Variants in HSF2BP observed in about 807,000 individuals in gnomAD.
HSF2BP encodes the protein heat shock transcription factor 2 binding protein.
Under a neutral mutation model 35.0 loss-of-function variants are expected in HSF2BP, and 35 were observed. That is an observed-to-expected ratio of 1.00 (90% CI 0.76 to 1.32). The LOEUF (loss-of-function observed/expected upper bound fraction) is 1.32, where lower values mean the gene tolerates loss of function less well. HSF2BP is among the 40% of genes most tolerant of loss of function. The probability of loss-of-function intolerance (pLI) is 0.00; values close to 1 mark genes in which losing one functional copy is unlikely to be tolerated. For synonymous variants in HSF2BP, 114 were observed against 117.4 expected, an observed-to-expected ratio of 0.97 and a Z score of 0.18; for missense variants, 326 against 321.7, an observed-to-expected ratio of 1.01 and a Z score of -0.10.
intron 3 of HSF2BP, among the ~76,000 whole-genome samples, chr21:43,654,007 A>G (rs1241834317): frequency 6.6e-6 from 1 of 152,162 alleles, no homozygotes; most frequent in Non-Finnish European, 1.5e-5. Context: ...TGAGGCAGAT[A>G]TGACAACAGG....
intron 5 of HSF2BP, among the ~76,000 whole-genome samples, chr21:43,632,068 C>CCA (rs1324841378): frequency 1.1e-4 from 2 of 17,656 alleles, no homozygotes; most frequent in African/African-American, 1.3e-3. Context: ...ACACACGCTC[C>CCA]CACATACACA....
chr21:43,585,213 G>A (rs2081833226), intron 8 of HSF2BP, among the ~76,000 whole-genome samples: 1 of 152,058 alleles, frequency 6.6e-6, no homozygotes, highest in Non-Finnish European at 1.5e-5. Context: ...CAGGAGGCTG[G>A]AGCAGGAGGA....
chr21:43,651,483 A>T (rs1450969024), intron 3 of HSF2BP, among the ~76,000 whole-genome samples: 1 of 152,060 alleles, frequency 6.6e-6, no homozygotes, highest in Non-Finnish European at 1.5e-5. Context: ...GCTCTAATTC[A>T]TCTTCCACCC....
At chr21:43,580,827 T>C (rs1007657866) in intron 8 of HSF2BP, among the ~76,000 whole-genome samples, 1 of 152,260 alleles carries the variant, frequency 6.6e-6, no homozygotes, top group African/African-American at 2.4e-5. Flanking sequence ...AGTTGCTTAC[T>C]AGAATCATAA....
At chr21:43,652,614 G>A (rs890678437) in intron 3 of HSF2BP, among the ~76,000 whole-genome samples, 1 of 152,132 alleles carries the variant, frequency 6.6e-6, no homozygotes, top group African/African-American at 2.4e-5. Flanking sequence ...TCGTGGGAAG[G>A]CTTGGGGAGG....
At chr21:43,625,564 A>C (rs535417754) in intron 6 of HSF2BP, among the ~76,000 whole-genome samples, 4 of 152,228 alleles carry the variant, frequency 2.6e-5, no homozygotes, top group African/African-American at 9.6e-5. Flanking sequence ...TAAAAAAAAA[A>C]ACTAAAGAAT....
At chr21:43,605,117 C>T (rs1346374705) in intron 7 of HSF2BP, among the ~76,000 whole-genome samples, 1 of 150,884 alleles carries the variant, frequency 6.6e-6, no homozygotes, top group Non-Finnish European at 1.5e-5. Context: ...ACATCACACA[C>T]ACACCACACA....
intron 8 of HSF2BP, among the ~76,000 whole-genome samples, chr21:43,586,270 C>G (rs1312942658): frequency 1.3e-5 from 2 of 152,118 alleles, no homozygotes; most frequent in Non-Finnish European, 2.9e-5. Flanking sequence ...AGCCATGTAG[C>G]TGAACGAAGG....
chr21:43,652,400 CAAA>C (rs35714746), intron 3 of HSF2BP, among the ~76,000 whole-genome samples: 13 of 89,328 alleles, frequency 1.5e-4, no homozygotes, highest in Admixed American at 2.4e-4. Flanking sequence ...CAGACACCAT[CAAA>C]AAAAAAAAAA....
At chr21:43,601,704 A>G (rs2082054589) in intron 7 of HSF2BP, among the ~76,000 whole-genome samples, 1 of 152,186 alleles carries the variant, frequency 6.6e-6, no homozygotes, top group South Asian at 2.1e-4. Context: ...TGGAAATAAT[A>G]CACATTAGTT....
intron 7 of HSF2BP, among the ~76,000 whole-genome samples, chr21:43,598,402 A>G (rs1456229205): frequency 5.5e-5 from 5 of 90,170 alleles, no homozygotes; most frequent in Non-Finnish European, 1.2e-4. Flanking sequence ...TTTTTTTTTT[A>G]GTAGAGACGG....
chr21:43,650,043 C>T (rs1463211246), intron 3 of HSF2BP, among the ~76,000 whole-genome samples: 2 of 152,188 alleles, frequency 1.3e-5, no homozygotes, highest in African/African-American at 4.8e-5. Context: ...AAGTGATCAT[C>T]CAAGTACCTT....
At chr21:43,584,399 A>C (rs1289894374) in intron 8 of HSF2BP, among the ~76,000 whole-genome samples, 2 of 152,210 alleles carry the variant, frequency 1.3e-5, no homozygotes, top group Admixed American at 1.3e-4. Flanking sequence ...CAAACAGTCA[A>C]GGCAGAGATC....
chr21:43,582,003 G>GA (rs2081748038), intron 8 of HSF2BP, among the ~76,000 whole-genome samples: 2 of 135,910 alleles, frequency 1.5e-5, no homozygotes, highest in Non-Finnish European at 1.6e-5. Context: ...TGTGGGAGAT[G>GA]AGTGCCTGCT....
intron 4 of HSF2BP, 101 bp from the exon 5 acceptor site, chr21:43,633,522 T>C (rs2082511746): frequency 2.0e-6 from 2 of 1,025,104 alleles, no homozygotes; most frequent in African/African-American, 1.6e-5. Flanking sequence ...AAGAAATGCA[T>C]GTATAATTAT....
chr21:43,597,484 A>G lies in HSF2BP; in HGVS notation c.693-5156T>C, dbSNP rs2082001261. 6.6e-6 allele frequency among the ~76,000 whole-genome samples: 1 copy of G among 152,216 alleles called. No homozygotes were observed. The highest frequency in any genetic ancestry group is 1.5e-5 in the Non-Finnish European group (1 of 68,040). ...AAATGTAATGCAATATTTTAAAAAA[A>G]TATATTAAAAATGCCCTAATAAGCA... On this transcript the variant is annotated intron_variant, in intron 7 of 8. Transcript: ENST00000291560. The surrounding 1 kb of genome is among the most constrained non-coding windows in gnomAD (Gnocchi z 4.3).
intron 8 of HSF2BP, among the ~76,000 whole-genome samples, chr21:43,588,921 A>C (rs1285121444): frequency 6.6e-6 from 1 of 152,120 alleles, no homozygotes; most frequent in East Asian, 1.9e-4. Context: ...CCTGCCCTCA[A>C]ACTGTGGAGG....
chr21:43,611,433 G>A (rs1285354891), intron 7 of HSF2BP, among the ~76,000 whole-genome samples: 1 of 152,178 alleles, frequency 6.6e-6, no homozygotes, highest in East Asian at 1.9e-4. Flanking sequence ...ACATGAAGCA[G>A]CTATTTGAGG....
chr21:43,632,485 CCACA>C (rs919752360), intron 5 of HSF2BP, among the ~76,000 whole-genome samples: 1 of 38,272 alleles, frequency 2.6e-5, no homozygotes, highest in Non-Finnish European at 8.0e-5. Flanking sequence ...ACACACGCTG[CCACA>C]CACACACACA....
Sources: allele counts gnomAD v4.1 joint callset (sites outside exome capture counted in the v4.1 genomes callset), GRCh38; gene constraint gnomAD v4.1.1; non-coding constraint Gnocchi (gnomAD v3.1); transcripts MANE v1.5; gene names NCBI Gene and HGNC (gene_info 2026-07-23, HGNC 2026-07-21).